GLI3: variants seen among roughly 807,000 people sequenced by gnomAD.
The protein encoded by GLI3 is transcription activator GLI3.
GLI3 carries 20 observed loss-of-function variants against 100.8 expected under a neutral mutation model. The observed-to-expected ratio is 0.20, with a 90% confidence interval of 0.14 to 0.29. The LOEUF is 0.29. GLI3 is among the 10% of genes least tolerant of loss of function. GLI3 has a pLI of 1.00. For synonymous variants in GLI3, 938 were observed against 860.5 expected, an observed-to-expected ratio of 1.09 and a Z score of -1.58; for missense variants, 2,040 against 2,128.5, an observed-to-expected ratio of 0.96 and a Z score of 0.82.
chr7:42,009,184 GT>G (rs1788540402), intron 10 of GLI3, among the ~76,000 whole-genome samples: 2 of 152,178 alleles, frequency 1.3e-5, no homozygotes, highest in South Asian at 2.1e-4. Context: ...CTTATTAAAG[GT>G]TTTGCTGAAG....
At position 42,185,035 on chromosome 7, in the gene GLI3, A is replaced by G. The variant is rs577907364; in HGVS notation, c.125-36567T>C. Among the ~76,000 whole-genome samples, 107 of 152,046 alleles carry G rather than the reference A, an allele frequency of 7.0e-4. 1 individual carries two copies. Among genetic ancestry groups the G allele is most frequent in the Non-Finnish European group, 1.3e-3 (89 of 67,972 alleles). On this transcript the variant is annotated intron_variant, in intron 2 of 14. Coordinates refer to ENST00000395925, the MANE Select transcript of GLI3 (RefSeq NM_000168.6). The stretch of plus-strand genomic sequence containing the variant: ...CTGGGAAATGCAACCTGCAACACAC[A>G]TGATGCCTGTTAAGGTGAACACTGG...
upstream of GLI3, among the ~76,000 whole-genome samples, chr7:42,239,615 T>A (rs1483179034): frequency 6.6e-6 from 1 of 152,214 alleles, no homozygotes; most frequent in Non-Finnish European, 1.5e-5. Flanking sequence ...AATAATAGAA[T>A]AAACTAGATA....
At chr7:42,237,469 C>T (rs889959239), upstream of GLI3, among the ~76,000 whole-genome samples, 2 of 152,036 alleles carry the variant, frequency 1.3e-5, no homozygotes, top group Non-Finnish European at 2.9e-5. Context: ...AAGCCCCCCG[C>T]CCCGACCTGG....
At position 42,001,864 on chromosome 7, in the gene GLI3, T is replaced by G. The variant is rs542476532; in HGVS notation, c.1497+21604A>C. Among the ~76,000 whole-genome samples, 6 of 152,266 alleles carry G rather than the reference T, an allele frequency of 3.9e-5. No homozygotes were observed. In the South Asian group the frequency reaches 1.2e-3, roughly 32 times the overall value. On this transcript the variant is annotated intron_variant, in intron 10 of 14. Transcript: ENST00000395925. ...AAGAAAAGACAGAAGGTAAAAAAAT[T>G]TTTAAATTATAAATTGTCTTGCAAA...
intron 2 of GLI3, among the ~76,000 whole-genome samples, chr7:42,203,015 C>T (rs1198916031): frequency 2.0e-5 from 3 of 152,210 alleles, no homozygotes; most frequent in African/African-American, 7.2e-5. Context: ...CATGAACATT[C>T]CCACCCCAGT....
chr7:42,042,994 T>C (rs748776504), intron 6 of GLI3, among the ~76,000 whole-genome samples: 1 of 152,200 alleles, frequency 6.6e-6, no homozygotes, highest in Non-Finnish European at 1.5e-5. Context: ...TACATCTTGC[T>C]GAAACCTAGA....
At chr7:42,250,172 G>A (rs1789017018) in intron 1 of GLI3, among the ~76,000 whole-genome samples, 1 of 152,108 alleles carries the variant, frequency 6.6e-6, no homozygotes, top group East Asian at 1.9e-4. Context: ...CTGTAGCACT[G>A]AAGTATGTGA....
At chr7:42,198,859 A>G (rs1583640924) in intron 2 of GLI3, among the ~76,000 whole-genome samples, 1 of 152,100 alleles carries the variant, frequency 6.6e-6, no homozygotes, top group Non-Finnish European at 1.5e-5. Context: ...TTTAAAAACA[A>G]CCAGATGAGA....
chr7:42,162,634 G>C (rs1787151925), intron 2 of GLI3, among the ~76,000 whole-genome samples: 1 of 152,256 alleles, frequency 6.6e-6, no homozygotes, highest in Admixed American at 6.5e-5. Flanking sequence ...GTGTTACTGT[G>C]CCTGACAATT....
At chr7:42,235,737 C>G (rs1788777934) in intron 1 of GLI3, among the ~76,000 whole-genome samples, 1 of 152,178 alleles carries the variant, frequency 6.6e-6, no homozygotes, top group Non-Finnish European at 1.5e-5. Flanking sequence ...AGCGGCCGGC[C>G]CTCCATACCT....
chr7:42,148,885 G>A lies in GLI3; in HGVS notation c.125-417C>T, dbSNP rs142675683. 5.7e-3 allele frequency among the ~76,000 whole-genome samples: 866 copies of A among 152,260 alleles called. 4 individuals are homozygous for A. The highest frequency in any genetic ancestry group is 8.0e-3 in the Non-Finnish European group (545 of 68,014). ...TCCCTTTGCCTGCCTGGGGACGCGG[G>A]GCCTCCGGGGTGACACAAAGTCCTT... On this transcript the variant is annotated intron_variant, in intron 2 of 14. Coordinates refer to ENST00000395925, the MANE Select transcript of GLI3 (RefSeq NM_000168.6).
At chr7:42,047,676 T>C (rs1784271769) in intron 5 of GLI3, among the ~76,000 whole-genome samples, 1 of 152,224 alleles carries the variant, frequency 6.6e-6, no homozygotes, top group Non-Finnish European at 1.5e-5. Context: ...AAGAGTCATG[T>C]GGAAAGTAAT....
At chr7:42,109,779 G>A (rs1223391860) in intron 3 of GLI3, among the ~76,000 whole-genome samples, 3 of 152,154 alleles carry the variant, frequency 2.0e-5, no homozygotes, top group Non-Finnish European at 4.4e-5. Context: ...ACATCTTCCT[G>A]GCAGAGGGAA....
Position 42,152,720 on chromosome 7 carries a change from C to T in GLI3, c.125-4252G>A, listed in dbSNP as rs557726473. Among the ~76,000 whole-genome samples, 13 of 152,260 alleles carry T rather than the reference C, an allele frequency of 8.5e-5. No homozygotes were observed. The South Asian group carries it at 2.1e-3, about 24-fold the overall frequency. ...CTAAATAAACGGTTTTACAAATGGTCCCCAAGCAAGGTCAACAGCAGCTTC... is the reference window on the plus strand; with the variant it reads ...CTAAATAAACGGTTTTACAAATGGTTCCCAAGCAAGGTCAACAGCAGCTTC... On this transcript the variant is annotated intron_variant, in intron 2 of 14. Coordinates refer to ENST00000395925, the MANE Select transcript of GLI3 (RefSeq NM_000168.6).
chr7:42,028,106 A>G (rs1264260962), intron 7 of GLI3, among the ~76,000 whole-genome samples: 1 of 152,246 alleles, frequency 6.6e-6, no homozygotes, highest in African/African-American at 2.4e-5. Flanking sequence ...ATCAAAAAAC[A>G]CAATGATTTA....
intron 4 of GLI3, among the ~76,000 whole-genome samples, chr7:42,056,232 A>T (rs766342241): frequency 7.2e-5 from 11 of 152,210 alleles, no homozygotes; most frequent in Non-Finnish European, 1.0e-4. Flanking sequence ...ATTCCCTAAG[A>T]ATCCGCTATG....
At chr7:42,112,199 A>G (rs1037216688) in intron 3 of GLI3, among the ~76,000 whole-genome samples, 4 of 152,172 alleles carry the variant, frequency 2.6e-5, no homozygotes, top group African/African-American at 9.7e-5. Context: ...ATTATGCCTC[A>G]CTGTGCATAT....
intron 13 of GLI3, 65 bp from the exon 14 acceptor site, chr7:41,967,988 A>G (rs1787235260): frequency 8.7e-7 from 1 of 1,149,660 alleles, no homozygotes; most frequent in Non-Finnish European, 1.3e-6. Context: ...GGAGCCAATA[A>G]TGAGAGCTCA....
chr7:42,132,246 G>A (rs989630056), intron 3 of GLI3, among the ~76,000 whole-genome samples: 50 of 69,754 alleles, frequency 7.2e-4, no homozygotes, highest in African/African-American at 6.6e-3. Flanking sequence ...GACTACAGGC[G>A]CCCGCCACTA....
Sources: gnomAD v4.1 joint callset for allele counts (sites outside exome capture counted in the v4.1 genomes callset) on GRCh38, gnomAD v4.1.1 for gene constraint, MANE v1.5 for transcripts, NCBI Gene and HGNC (gene_info 2026-07-23, HGNC 2026-07-21) for gene names.